Variants in INTS7 observed in about 807,000 individuals in gnomAD.
The protein encoded by INTS7 is integrator complex subunit 7.
In INTS7, 46 loss-of-function variants were observed where a neutral mutation model predicts 109.2. The observed-to-expected ratio is 0.42, with a 90% confidence interval of 0.33 to 0.54. The LOEUF (loss-of-function observed/expected upper bound fraction) is 0.54, where lower values mean the gene tolerates loss of function less well. Among genes scored for constraint, INTS7 ranks in the 20% least tolerant of loss-of-function variants. INTS7 has a pLI of 0.07. For missense variants in INTS7, 929 were observed against 1,132.4 expected, an observed-to-expected ratio of 0.82 and a Z score of 2.58; for synonymous variants, 412 against 402.9, an observed-to-expected ratio of 1.02 and a Z score of -0.27.
At chr1:211,969,812 G>A (rs534969588) in intron 13 of INTS7, among the ~76,000 whole-genome samples, 22 of 151,432 alleles carry the variant, frequency 1.5e-4, no homozygotes, top group South Asian at 4.2e-4. Flanking sequence ...TCCGTCTTCC[G>A]GGTTCAAGCA....
chr1:211,952,814 A>T (rs1663161544), intron 16 of INTS7, 113 bp from the exon 17 acceptor site: 4 of 1,041,934 alleles, frequency 3.8e-6, no homozygotes, highest in Non-Finnish European at 5.5e-6. Flanking sequence ...TAATGAAGTT[A>T]TTTCCATTTA....
chr1:211,968,093 A>G (rs1663989654), intron 14 of INTS7, 112 bp from the exon 15 acceptor site: 1 of 567,162 alleles, frequency 1.8e-6, no homozygotes. Context: ...CAAAAAAAAT[A>G]CTGCCATCTT....
At chr1:212,001,064 CTTTTT>C (rs71137715) in intron 7 of INTS7, among the ~76,000 whole-genome samples, 5 of 122,844 alleles carry the variant, frequency 4.1e-5, no homozygotes, top group Non-Finnish European at 6.8e-5. Context: ...GGCAGAATTC[CTTTTT>C]TTTTTTTTTT....
chr1:212,014,449 G>A (rs1448560171), intron 4 of INTS7, among the ~76,000 whole-genome samples: 1 of 80,236 alleles, frequency 1.2e-5, no homozygotes, highest in Non-Finnish European at 2.3e-5. Context: ...TGGATGACAA[G>A]AGCAAAACTC....
rs903704985 is a variant in INTS7, at chr1:211,941,646, G to A, written c.*178C>T. The A allele has an allele frequency of 1.1e-5, 9 of 848,704 alleles. No individual in the cohort carries two copies. Among genetic ancestry groups the A allele is most frequent in the South Asian group, 7.4e-5 (4 of 54,072 alleles). The allele number at this position is 848,704 out of a possible 1,614,324, so 52.6% of individuals were successfully genotyped here. On this transcript the variant is annotated 3_prime_UTR_variant, in exon 20 of 20. Transcript: ENST00000366994. Reference sequence around the variant, plus strand: ...TGGGATTACAGGCGTGAGCAACCACGCCCAGCTGTCAGACAAAATTTTTAA... The same window carrying A: ...TGGGATTACAGGCGTGAGCAACCACACCCAGCTGTCAGACAAAATTTTTAA...
intron 10 of INTS7, among the ~76,000 whole-genome samples, chr1:211,978,778 A>T (rs777231986): frequency 4.6e-5 from 7 of 152,260 alleles, no homozygotes; most frequent in Non-Finnish European, 1.0e-4. Context: ...GATGGAAATC[A>T]TAAGGAATAA....
chr1:212,034,849 A>G (rs2102514647), intron 1 of INTS7, among the ~76,000 whole-genome samples: 2 of 152,340 alleles, frequency 1.3e-5, no homozygotes, highest in South Asian at 4.1e-4. Context: ...TCCGCAGAGA[A>G]TGAGCAGGGC....
chr1:211,968,173 A>G (rs1301075220), intron 14 of INTS7, among the ~76,000 whole-genome samples, 192 bp from the exon 15 acceptor site: 1 of 152,188 alleles, frequency 6.6e-6, no homozygotes, highest in Admixed American at 6.5e-5. Context: ...GAAACTATAC[A>G]TGTTCACAAG....
chr1:212,013,267 G>A (rs1476326769), intron 4 of INTS7, among the ~76,000 whole-genome samples: 1 of 152,010 alleles, frequency 6.6e-6, no homozygotes, highest in Admixed American at 6.5e-5. Flanking sequence ...GTGATACCCC[G>A]GCCTCAGCCT....
At chr1:212,027,512 T>C (rs560913175) in intron 1 of INTS7, among the ~76,000 whole-genome samples, 2 of 152,370 alleles carry the variant, frequency 1.3e-5, no homozygotes, top group East Asian at 3.9e-4. Flanking sequence ...CTTCCTTTTC[T>C]GTGCCTGGAC....
chr1:211,981,955 CAG>C lies in INTS7; in HGVS notation c.1132+719_1132+720del, dbSNP rs548809863. Among the ~76,000 whole-genome samples, 273 of 152,102 alleles carry C rather than the reference CAG, an allele frequency of 1.8e-3. 1 individual carries two copies. Among genetic ancestry groups the C allele is most frequent in the African/African-American group, 6.4e-3 (267 of 41,502 alleles). ...TTCCTGAGTGCAGGAGCTTGGCAAA[CAG>C]AGTAAAGGCTAGTGAAGGTCAGGTT... On this transcript the variant is annotated intron_variant, in intron 9 of 19. Coordinates refer to ENST00000366994, the MANE Select transcript of INTS7 (RefSeq NM_015434.4).
Position 211,942,007 on chromosome 1 carries a change from G to C in INTS7, c.2706C>G (p.His902Gln). 2 of 1,614,134 alleles carry C rather than the reference G, an allele frequency of 1.2e-6. No homozygotes were observed. Among genetic ancestry groups the C allele is most frequent in the Non-Finnish European group, 1.7e-6 (2 of 1,180,010 alleles). The change falls in exon 20 of 20, where the codon CAC becomes CAG. Residue 902 changes from histidine (H) to glutamine (Q), a missense_variant. Physicochemically the swap from His to Gln is conservative, Grantham distance 24. Transcript: ENST00000366994. This position sits in a 1 kb window ranked among gnomAD's most constrained non-coding sequence, Gnocchi z 4.2. The part of the protein sequence containing the change: ...FLLNFAILGT[H>Q]NITVESSVKD... ...TCACAGAAGATTCCACTGTAATGTT[G>C]TGTGTTCCAAGGATAGCAAAGTTCA...
intron 17 of INTS7, among the ~76,000 whole-genome samples, chr1:211,951,878 G>A (rs1663108648): frequency 6.6e-6 from 1 of 152,196 alleles, no homozygotes; most frequent in African/African-American, 2.4e-5. Flanking sequence ...AGAAAATTTG[G>A]GTGAGAGTAT....
At chr1:211,951,237 T>C (rs1663068649) in intron 17 of INTS7, among the ~76,000 whole-genome samples, 1 of 152,176 alleles carries the variant, frequency 6.6e-6, no homozygotes, top group South Asian at 2.1e-4. Context: ...ATGTGGAAGC[T>C]GCAACCCCCA....
chr1:212,033,112 G>A (rs1458826337), intron 1 of INTS7, among the ~76,000 whole-genome samples: 2 of 152,278 alleles, frequency 1.3e-5, no homozygotes, highest in South Asian at 2.1e-4. Context: ...TACAAAGCCC[G>A]ATCAAATAAG....
chr1:211,954,913 GT>G lies in INTS7; in HGVS notation c.2184-2213del, dbSNP rs1276237746. Among the ~76,000 whole-genome samples, 8 of 152,046 alleles carry G rather than the reference GT, an allele frequency of 5.3e-5. No homozygotes were observed. In the South Asian group the frequency reaches 1.0e-3, roughly 20 times the overall value. ...TTGGTTCCATATGAACTTTAAAGTAGTTTTTTCCAATTCTGTGAAGAAAGTC... is the reference window on the plus strand; with the variant it reads ...TTGGTTCCATATGAACTTTAAAGTAGTTTTTCCAATTCTGTGAAGAAAGTC... On this transcript the variant is annotated intron_variant, in intron 16 of 19. Coordinates refer to ENST00000366994, the MANE Select transcript of INTS7 (RefSeq NM_015434.4).
chr1:212,016,189 A>C (rs1325766505), intron 4 of INTS7, among the ~76,000 whole-genome samples: 1 of 152,226 alleles, frequency 6.6e-6, no homozygotes, highest in African/African-American at 2.4e-5. Flanking sequence ...TTATCAGTAC[A>C]TATTGCTGTT....
intron 7 of INTS7, among the ~76,000 whole-genome samples, chr1:211,994,560 A>G (rs1436792109): frequency 6.6e-6 from 1 of 150,998 alleles, no homozygotes; most frequent in Non-Finnish European, 1.5e-5. Context: ...AGTAGCTGGG[A>G]TTACAGGTGC....
intron 1 of INTS7, among the ~76,000 whole-genome samples, chr1:212,026,404 T>C (rs1444895808): frequency 2.6e-5 from 4 of 152,184 alleles, no homozygotes; most frequent in African/African-American, 7.2e-5. Context: ...GGAAAATTAA[T>C]TAACATTTCT....
Sources: allele counts gnomAD v4.1 joint callset (sites outside exome capture counted in the v4.1 genomes callset), GRCh38; gene constraint gnomAD v4.1.1; non-coding constraint Gnocchi (gnomAD v3.1); transcripts MANE v1.5; gene names NCBI Gene and HGNC (gene_info 2026-07-23, HGNC 2026-07-21).